The following CNST variants were observed in gnomAD, a reference collection of about 807,000 sequenced individuals.
CNST encodes consortin, connexin sorting protein, also known as consortin.
Under a neutral mutation model 72.4 loss-of-function variants are expected in CNST, and 39 were observed. The ratio of observed to expected loss-of-function variants is 0.54; its 90% CI spans 0.42 to 0.70. The LOEUF (loss-of-function observed/expected upper bound fraction) is 0.70, where lower values mean the gene tolerates loss of function less well. CNST is among the 30% of genes least tolerant of loss of function. The probability of loss-of-function intolerance (pLI) is 0.00; values close to 1 mark genes in which losing one functional copy is unlikely to be tolerated. For missense variants in CNST, 871 were observed against 868.5 expected (o/e 1.00, Z -0.04); for synonymous variants, 332 against 320.1 (o/e 1.04, Z -0.40).
chr1:246,634,061 A>G, intron 5 of CNST, 51 bp downstream of exon 5: 1 of 1,117,576 alleles, frequency 8.9e-7, no homozygotes, highest in Non-Finnish European at 1.4e-6. Flanking sequence ...CCAACAAGTC[A>G]CTATCTACAA....
chr1:246,579,040 C>T (rs1315017236), intron 1 of CNST, among the ~76,000 whole-genome samples: 2 of 152,222 alleles, frequency 1.3e-5, no homozygotes, highest in African/African-American at 2.4e-5. Context: ...TTGTTATTCT[C>T]ATACTCTGGT....
At chr1:246,643,198 T>C (rs1017292197) in intron 8 of CNST, among the ~76,000 whole-genome samples, 19 of 152,098 alleles carry the variant, frequency 1.2e-4, no homozygotes, top group Admixed American at 9.2e-4. Context: ...GGCCAGCCTT[T>C]TACTCTTTAC....
chr1:246,589,189 T>C (rs1200358967), intron 1 of CNST, among the ~76,000 whole-genome samples: 2 of 152,096 alleles, frequency 1.3e-5, no homozygotes, highest in Non-Finnish European at 2.9e-5. Context: ...TATGTATTCA[T>C]GTGCCATGTT....
At position 246,639,769 on chromosome 1, in the gene CNST, C is replaced by T. The variant is rs148945793; in HGVS notation, c.819-1980C>T. ...GAGTGCACCAACCAACAGCACAAAG[C>T]GGTGTGGAGCAACACACTGTTTTAA... On this transcript the variant is annotated intron_variant, in intron 6 of 10. Coordinates refer to ENST00000366513, the MANE Select transcript of CNST (RefSeq NM_152609.3). 2.6e-3 allele frequency among the ~76,000 whole-genome samples: 402 copies of T among 152,302 alleles called. 3 individuals are homozygous for T. Among genetic ancestry groups the T allele is most frequent in the African/African-American group, 9.2e-3 (381 of 41,566 alleles).
intron 1 of CNST, among the ~76,000 whole-genome samples, chr1:246,583,202 A>G (rs1192773290): frequency 6.6e-6 from 1 of 152,216 alleles, no homozygotes; most frequent in Non-Finnish European, 1.5e-5. Context: ...TTTACCATAC[A>G]GATGCCCTGT....
At chr1:246,580,751 C>CT (rs1164260986) in intron 1 of CNST, among the ~76,000 whole-genome samples, 13 of 149,200 alleles carry the variant, frequency 8.7e-5, no homozygotes, top group South Asian at 4.2e-4. Flanking sequence ...CTTTTTTTTT[C>CT]TTTTTTTTTG....
At chr1:246,597,024 G>A (rs1385679232) in intron 2 of CNST, among the ~76,000 whole-genome samples, 3 of 152,140 alleles carry the variant, frequency 2.0e-5, no homozygotes, top group Non-Finnish European at 2.9e-5. Flanking sequence ...TGCTGTACAA[G>A]TTTTTGTAGA....
At chr1:246,588,642 A>G (rs1033364833) in intron 1 of CNST, among the ~76,000 whole-genome samples, 1 of 152,230 alleles carries the variant, frequency 6.6e-6, no homozygotes, top group African/African-American at 2.4e-5. Context: ...TTCAAAGGGA[A>G]AATTAATTTT....
At chr1:246,594,431 C>T (rs1220223752) in intron 2 of CNST, among the ~76,000 whole-genome samples, 3 of 152,156 alleles carry the variant, frequency 2.0e-5, no homozygotes, top group Non-Finnish European at 4.4e-5. Flanking sequence ...CTTTATACAG[C>T]TTACTTTAAA....
In CNST at chr1:246,623,002, T is replaced by C. The variant is rs569639195; in HGVS notation, c.585+1368T>C. 2.3e-3 allele frequency among the ~76,000 whole-genome samples: 354 copies of C among 152,144 alleles called. 1 individual carries two copies. The highest frequency in any genetic ancestry group is 7.9e-3 in the African/African-American group (330 of 41,522). Reference sequence around the variant, plus strand: ...CCACGCCTGGCTAATTTTTGTATTTTAGTAGAGATGGGGTTTCACCATGTT... The same window carrying C: ...CCACGCCTGGCTAATTTTTGTATTTCAGTAGAGATGGGGTTTCACCATGTT... On this transcript the variant is annotated intron_variant, in intron 3 of 10. Coordinates refer to ENST00000366513, the MANE Select transcript of CNST (RefSeq NM_152609.3).
At chr1:246,621,677 C>A (rs780124578) in intron 3 of CNST, 43 bp downstream of exon 3, 1 of 1,504,966 alleles carries the variant, frequency 6.6e-7, no homozygotes, top group South Asian at 1.1e-5. Context: ...CGAAAATTCC[C>A]CTAGCAGTGT....
At chr1:246,634,271 C>T in intron 5 of CNST, 1 of 560,312 alleles carries the variant, frequency 1.8e-6, no homozygotes, top group Admixed American at 3.5e-5. Context: ...ACATTTCATG[C>T]CCTACTGGCT....
At chr1:246,580,344 G>A (rs941301220) in intron 1 of CNST, among the ~76,000 whole-genome samples, 2 of 152,088 alleles carry the variant, frequency 1.3e-5, no homozygotes, top group African/African-American at 4.8e-5. Context: ...ATGAAATACT[G>A]TACTCTTTTG....
At chr1:246,621,685 T>C in intron 3 of CNST, 51 bp downstream of exon 3, 1 of 1,454,880 alleles carries the variant, frequency 6.9e-7, no homozygotes, top group Non-Finnish European at 9.7e-7. Flanking sequence ...CCCCTAGCAG[T>C]GTTTGGAATG....
chr1:246,627,615 T>A (rs1176371284), intron 3 of CNST, among the ~76,000 whole-genome samples: 5 of 152,194 alleles, frequency 3.3e-5, no homozygotes, highest in Admixed American at 2.6e-4. Context: ...ACCAGTCCTG[T>A]TTCGAGTGGA....
intron 8 of CNST, among the ~76,000 whole-genome samples, chr1:246,643,333 A>G (rs1300083745): frequency 2.0e-5 from 3 of 152,150 alleles, no homozygotes; most frequent in African/African-American, 4.8e-5. Context: ...TCATTTTTAT[A>G]TTAGAAATCA....
intron 2 of CNST, 109 bp from the exon 3 acceptor site, chr1:246,621,320 C>G: frequency 1.3e-6 from 1 of 785,204 alleles, no homozygotes; most frequent in Non-Finnish European, 2.2e-6. Flanking sequence ...CTGTTCAGGT[C>G]TGTTTTAGTT....
At chr1:246,598,588 C>T (rs1457092910) in intron 2 of CNST, among the ~76,000 whole-genome samples, 1 of 152,050 alleles carries the variant, frequency 6.6e-6, no homozygotes. Context: ...CCCCAAAGGC[C>T]TATTTGCATT....
intron 9 of CNST, among the ~76,000 whole-genome samples, chr1:246,648,777 A>G (rs1666279094): frequency 6.6e-6 from 1 of 152,138 alleles, no homozygotes; most frequent in Non-Finnish European, 1.5e-5. Flanking sequence ...GAAAATTAGG[A>G]TACTAGCTGC....
Sources: allele counts gnomAD v4.1 joint callset (sites outside exome capture counted in the v4.1 genomes callset), GRCh38; gene constraint gnomAD v4.1.1; transcripts MANE v1.5; gene names NCBI Gene and HGNC (gene_info 2026-07-23, HGNC 2026-07-21).